LHX3: variants seen among roughly 807,000 people sequenced by gnomAD.
LHX3 encodes the protein LIM/homeobox protein Lhx3.
Under a neutral mutation model 32.4 loss-of-function variants are expected in LHX3, and 21 were observed. The observed-to-expected ratio is 0.65, with a 90% CI of 0.46 to 0.93. The LOEUF is 0.93. LHX3 is among the 40% of genes least tolerant of loss of function. The probability of loss-of-function intolerance (pLI) is 0.00; values close to 1 mark genes in which losing one functional copy is unlikely to be tolerated. For synonymous variants in LHX3, 258 were observed against 246.8 expected, an observed-to-expected ratio of 1.05 and a Z score of -0.43; for missense variants, 626 against 560.0, an observed-to-expected ratio of 1.12 and a Z score of -1.19.
chr9:136,199,571 T>G, intron 3 of LHX3, 107 bp downstream of exon 3: 1 of 1,236,082 alleles, frequency 8.1e-7, no homozygotes, highest in East Asian at 2.4e-5. Context: ...CCAGGCCCCC[T>G]TAGTGAGCGC....
chr9:136,204,963 G>T lies in LHX3; in HGVS notation c.50C>A (p.Ala17Asp). 1 of 1,599,218 alleles carries T rather than the reference G, an allele frequency of 6.3e-7. No individual in the cohort carries two copies. The change falls in exon 1 of 6, where the codon GCC becomes GAC. Residue 17 changes from alanine (A) to aspartate (D), a missense_variant. Coordinates refer to ENST00000371748, the MANE Select transcript of LHX3 (RefSeq NM_178138.6). ...AGTCCCGCCCAAGGTGCAGACGGCG[G>T]CGGCCCCGGGCCTCGCTCGGTCGCG... ...LERDRARPGA[A>D]AVCTLGGTRE...
At chr9:136,201,711 C>T (rs1373367312) in intron 1 of LHX3, 2 of 986,336 alleles carry the variant, frequency 2.0e-6, no homozygotes, top group East Asian at 1.1e-4. Context: ...CCTCGACCTC[C>T]GGCGGAAAAA....
Position 136,198,974 on chromosome 9 carries a change from G to C in LHX3, c.540C>G (p.Pro180=). 1 of 1,592,034 alleles carries C rather than the reference G, an allele frequency of 6.3e-7. No homozygotes were observed. Among genetic ancestry groups the C allele is most frequent in the Non-Finnish European group, 8.5e-7 (1 of 1,173,128 alleles). The change falls in exon 4 of 6, where the codon CCC becomes CCG. Residue 180 remains proline (P), a synonymous_variant. Coordinates refer to ENST00000371748, the MANE Select transcript of LHX3 (RefSeq NM_178138.6). The part of the protein sequence containing the change: ...ETLKSAYNTS[P]KPARHVREQL... ...GCTCGCGCACGTGGCGCGCCGGCTTGGGCGAGGTGTTGTAAGCGCTCTTCA... is the reference window on the plus strand; with the variant it reads ...GCTCGCGCACGTGGCGCGCCGGCTTCGGCGAGGTGTTGTAAGCGCTCTTCA...
In LHX3 at chr9:136,197,501, G is replaced by A. The variant is rs1831521244; in HGVS notation, c.1018C>T (p.Pro340Ser). 6.5e-7 allele frequency: 1 copy of A among 1,548,224 alleles called. No individual in the cohort carries two copies. The highest frequency in any genetic ancestry group is 1.4e-5 in the African/African-American group (1 of 73,220). ...GGCACAAGGCCCAAGCTGGTGTCTG[G>A]GTACACCAGGCTGGAGAGGAGGGGC... Reference protein sequence around the residue: ...PQPLLSSLVYPDTSLGLVPSG... With the variant: ...PQPLLSSLVYSDTSLGLVPSG... The change falls in exon 6 of 6, where the codon CCA (proline) becomes TCA (serine). Residue 340 changes from proline (P) to serine (S), a missense_variant. Transcript: ENST00000371748.
intron 5 of LHX3, 89 bp downstream of exon 5, chr9:136,198,563 G>T: frequency 7.1e-7 from 1 of 1,415,756 alleles, no homozygotes. Flanking sequence ...AACTCCATGG[G>T]AAATTCAGAT....
At chr9:136,201,270 C>T in intron 1 of LHX3, 2 of 1,279,646 alleles carry the variant, frequency 1.6e-6, no homozygotes, top group Non-Finnish European at 2.0e-6. Flanking sequence ...GCCCTGTCTG[C>T]AGGCCTCCGG....
At chr9:136,203,599 C>T (rs1831697373) in intron 1 of LHX3, among the ~76,000 whole-genome samples, 2 of 152,230 alleles carry the variant, frequency 1.3e-5, no homozygotes, top group Admixed American at 1.3e-4. Context: ...CCGAGGGCTG[C>T]GTACCGGAAC....
rs552120074 is a variant in LHX3, at chr9:136,201,033, T to A, written c.80-280A>T. On this transcript the variant is annotated intron_variant, in intron 1 of 5. Coordinates refer to ENST00000371748, the MANE Select transcript of LHX3 (RefSeq NM_178138.6). ...AGCAGCCCAGGCCATTTCACGAGGC[T>A]GAATACTCAATTACAAAATGTTGCC... The A allele has an allele frequency of 2.8e-5, 29 of 1,020,264 alleles. No individual in the cohort carries two copies. The South Asian group carries it at 4.9e-4, about 17-fold the overall frequency. The allele number at this position is 1,020,264 out of a possible 1,614,324, so 63.2% of individuals were successfully genotyped here.
intron 2 of LHX3, 56 bp downstream of exon 2, chr9:136,200,526 T>TC: frequency 6.4e-7 from 1 of 1,565,110 alleles, no homozygotes; most frequent in Non-Finnish European, 8.7e-7. Flanking sequence ...AGGGGAGGAG[T>TC]CCCTGGGGCA....
At chr9:136,201,281 G>C (rs1450528640) in intron 1 of LHX3, 1 of 1,270,006 alleles carries the variant, frequency 7.9e-7, no homozygotes, top group Non-Finnish European at 9.9e-7. Context: ...AGGCCTCCGG[G>C]GTAAATATCA....
chr9:136,203,124 C>G, intron 1 of LHX3: 1 of 1,415,492 alleles, frequency 7.1e-7, no homozygotes, highest in Non-Finnish European at 9.2e-7. Context: ...CCCGAACCGG[C>G]GTCCAAGCGA....
intron 3 of LHX3, 63 bp downstream of exon 3, chr9:136,199,615 G>C: frequency 6.4e-7 from 1 of 1,557,612 alleles, no homozygotes; most frequent in Admixed American, 1.7e-5. Flanking sequence ...GCCCCCCTGG[G>C]CGTGGCCTCA....
intron 4 of LHX3, 40 bp downstream of exon 4, chr9:136,198,868 C>A: frequency 6.3e-7 from 1 of 1,593,344 alleles, no homozygotes; most frequent in Non-Finnish European, 8.5e-7. Context: ...CGGGGGCCCC[C>A]AAGGCCGCGG....
Position 136,197,717 on chromosome 9 carries a change from G to T in LHX3, c.802C>A (p.Pro268Thr). 6.2e-7 allele frequency: 1 copy of T among 1,604,480 alleles called. No homozygotes were observed. Among genetic ancestry groups the T allele is most frequent in the Non-Finnish European group, 8.5e-7 (1 of 1,179,804 alleles). ...AAGCTCCCGTAGAGGCCATTGGCCG[G>T]GCCCATTTCCGCCAAGGAAGGCTCA... is the stretch of plus-strand genomic sequence containing the variant. ...PDEPSLAEMG[P>T]ANGLYGSLGE... is the part of the protein sequence containing the mutation. Residue 268 changes from proline (P) to threonine (T), a missense_variant, in exon 6 of 6, where the codon CCG (proline) becomes ACG (threonine). Transcript: ENST00000371748.
rs372072162 is a variant in LHX3 at position 136,197,746 on chromosome 9, G to A, written c.776-3C>T. The A allele has an allele frequency of 6.2e-7, 1 of 1,600,352 alleles. No homozygotes were observed. The highest frequency in any genetic ancestry group is 8.5e-7 in the Non-Finnish European group (1 of 1,179,676). Reference sequence around the variant, plus strand: ...CATTTCCGCCAAGGAAGGCTCATCTGCAACAGAAGCAGAGGCTCAGTCAGC... The same window carrying A: ...CATTTCCGCCAAGGAAGGCTCATCTACAACAGAAGCAGAGGCTCAGTCAGC... On this transcript the variant is annotated splice_region_variant and splice_polypyrimidine_tract_variant and intron_variant, in intron 5 of 5. Coordinates refer to ENST00000371748, the MANE Select transcript of LHX3 (RefSeq NM_178138.6).
Position 136,198,664 on chromosome 9 carries a change from C to T in LHX3, c.763G>A (p.Val255Ile), listed in dbSNP as rs769353867. The part of the protein sequence containing the change: ...VQEGQDSDAE[V>I]SFPDEPSLAE... ...TCCCTCCGCCTACCGGGGAAGGAGA[C>T]CTCAGCGTCGCTGTCCTGCCCCTCC... Residue 255 changes from valine to isoleucine, a missense_variant, in exon 5 of 6, where the codon GTC becomes ATC. Coordinates refer to ENST00000371748, the MANE Select transcript of LHX3 (RefSeq NM_178138.6). The T allele has an allele frequency of 1.2e-6, 2 of 1,601,302 alleles. No homozygotes were observed. The highest frequency in any genetic ancestry group is 1.1e-5 in the South Asian group (1 of 89,522).
rs34356735 is a variant in LHX3 at position 136,199,675 on chromosome 9, G to A, written c.454+3C>T. The A allele has an allele frequency of 0.018, 28,561 of 1,612,706 alleles. 336 individuals are homozygous for A. Among genetic ancestry groups the A allele is most frequent in the Non-Finnish European group, 0.02 (23,666 of 1,179,728 alleles). On this transcript the variant is annotated splice_donor_region_variant and intron_variant, in intron 3 of 5. Coordinates refer to ENST00000371748, the MANE Select transcript of LHX3 (RefSeq NM_178138.6). Reference sequence around the variant, plus strand: ...AGGTGGGAGCGTCGTCCCCTCGGCTGACCTCGCTGCTTGGCGGTTTCGTAG... The same window carrying A: ...AGGTGGGAGCGTCGTCCCCTCGGCTAACCTCGCTGCTTGGCGGTTTCGTAG...
At chr9:136,201,799 G>A in intron 1 of LHX3, 1 of 742,034 alleles carries the variant, frequency 1.3e-6, no homozygotes, top group Non-Finnish European at 1.6e-6. Context: ...CGCAGCTCCG[G>A]GTGCGGAGCG....
At chr9:136,203,022 C>A (rs1010101748) in intron 1 of LHX3, 3 of 1,521,876 alleles carry the variant, frequency 2.0e-6, no homozygotes, top group Non-Finnish European at 2.6e-6. Flanking sequence ...CCGGGCCCAG[C>A]TCCCCGCGCG....
Sources: allele counts gnomAD v4.1 joint callset (sites outside exome capture counted in the v4.1 genomes callset), GRCh38; gene constraint gnomAD v4.1.1; transcripts MANE v1.5; gene names NCBI Gene and HGNC (gene_info 2026-07-23, HGNC 2026-07-21).